The following BRCA2 variants were observed in gnomAD, a reference collection of about 807,000 sequenced individuals.
BRCA2 encodes BRCA2 DNA repair associated, also known as breast cancer type 2 susceptibility protein.
BRCA2 carries 203 observed loss-of-function variants against 276.7 expected under a neutral mutation model. The observed-to-expected ratio is 0.73, with a 90% CI of 0.65 to 0.82. The LOEUF is 0.82. Ranked by LOEUF, BRCA2 falls within the 40% of genes least tolerant of loss-of-function variation. BRCA2 has a pLI of 0.00. For missense variants in BRCA2, 3,920 were observed against 3,915.0 expected (o/e 1.00, Z -0.03); for synonymous variants, 1,289 against 1,338.4 (o/e 0.96, Z 0.81).
At chr13:32,392,947 A>G (rs1205553582) in intron 24 of BRCA2, among the ~76,000 whole-genome samples, 1 of 152,090 alleles carries the variant, frequency 6.6e-6, no homozygotes, top group Non-Finnish European at 1.5e-5. Flanking sequence ...GATAATGATC[A>G]TTATGTTTTT....
chr13:32,374,171 C>T (rs1311975927), intron 20 of BRCA2, among the ~76,000 whole-genome samples: 1 of 152,266 alleles, frequency 6.6e-6, no homozygotes, highest in Non-Finnish European at 1.5e-5. Flanking sequence ...GGGCCCAGCC[C>T]ACAAAACCAT....
chr13:32,317,448 G>GA (rs1188018922), intron 2 of BRCA2, among the ~76,000 whole-genome samples: 1 of 151,980 alleles, frequency 6.6e-6, no homozygotes, highest in Non-Finnish European at 1.5e-5. Flanking sequence ...ACCTCACGTT[G>GA]AAAAAAGGAA....
chr13:32,398,461 A>G lies in BRCA2; in HGVS notation c.9948A>G (p.Glu3316=). 1 of 1,614,212 alleles carries G rather than the reference A, an allele frequency of 6.2e-7. No individual in the cohort carries two copies. The highest frequency in any genetic ancestry group is 8.5e-7 in the Non-Finnish European group (1 of 1,180,036). Residue 3316 remains glutamate (E), a synonymous_variant, in exon 27 of 27, where the codon GAA becomes GAG. Transcript: ENST00000380152. ...TKYETPIKKK[E]LNSPQMTPFK... ...ACGAAACACCCATAAAGAAAAAAGA[A>G]CTGAATTCTCCTCAGATGACTCCAT...
At chr13:32,390,803 T>G (rs926253405) in intron 24 of BRCA2, among the ~76,000 whole-genome samples, 2 of 152,222 alleles carry the variant, frequency 1.3e-5, no homozygotes, top group Non-Finnish European at 2.9e-5. Context: ...TCTGTTTGGA[T>G]TTCTACTTCC....
rs876660828 is a variant in BRCA2 at position 32,332,770 on chromosome 13, C to A, written c.1292C>A (p.Thr431Lys). Residue 431 changes from threonine (T) to lysine (K), a missense_variant, in exon 10 of 27, where the codon ACA becomes AAA. Coordinates refer to ENST00000380152, the MANE Select transcript of BRCA2 (RefSeq NM_000059.4). ...ATTTCAGAAAAAGACCTATTAGACA[C>A]AGAGAACAAAAGAAAGAAAGATTTT... ...QNISEKDLLD[T>K]ENKRKKDFLT... is the part of the protein sequence containing the mutation. The A allele has an allele frequency of 6.2e-7, 1 of 1,608,556 alleles. No homozygotes were observed. The highest frequency in any genetic ancestry group is 8.5e-7 in the Non-Finnish European group (1 of 1,178,636).
At position 32,338,131 on chromosome 13, in the gene BRCA2, G is replaced by A. The variant is rs762488820; in HGVS notation, c.3776G>A (p.Ser1259Asn). The A allele has an allele frequency of 1.9e-6, 3 of 1,605,532 alleles. No homozygotes were observed. The Admixed American group carries it at 5.1e-5, about 27-fold the overall frequency. The change falls in exon 11 of 27, where the codon AGT (serine) becomes AAT (asparagine). Residue 1259 changes from serine to asparagine, a missense_variant. By Grantham distance (46) the Ser-to-Asn change is conservative. Coordinates refer to ENST00000380152, the MANE Select transcript of BRCA2 (RefSeq NM_000059.4). ...EETSAEVHPISLSSSKCHDSV... is the reference protein window; with the variant it reads ...EETSAEVHPINLSSSKCHDSV... ...ACTTCTGCAGAGGTACATCCAATAA[G>A]TTTATCTTCAAGTAAATGTCATGAT...
At chr13:32,362,479 T>C (rs1485122666) in intron 16 of BRCA2, 44 bp from the exon 17 acceptor site, 3 of 1,560,618 alleles carry the variant, frequency 1.9e-6, no homozygotes, top group African/African-American at 1.4e-5. Context: ...TTCAGTATCA[T>C]CCTATGTGGT....
intron 11 of BRCA2, 110 bp from the exon 12 acceptor site, chr13:32,344,448 T>C: frequency 1.5e-6 from 1 of 675,744 alleles, no homozygotes; most frequent in South Asian, 1.8e-5. Context: ...TATTTTTGTT[T>C]AACATTTAAA....
rs112966335 is a variant in BRCA2 at position 32,380,243 on chromosome 13, T to A, written c.9256+98T>A. ...TAGTTGGAGCTACCAGTTGGCAAAT[T>A]TGCTAGCTAACTAGTGATCTGAAAG... On this transcript the variant is annotated intron_variant, in intron 24 of 26. Coordinates refer to ENST00000380152, the MANE Select transcript of BRCA2 (RefSeq NM_000059.4). The A allele has an allele frequency of 3.9e-6, 5 of 1,267,094 alleles. No individual in the cohort carries two copies. In the East Asian group the frequency reaches 1.3e-4, roughly 32 times the overall value. 78.5% of individuals were successfully genotyped at this position (1,267,094 alleles called of 1,614,324 possible). A position where few individuals can be genotyped will look rare whatever the true frequency, so the allele number is the denominator to read the frequency against.
In BRCA2 at chr13:32,344,595, T is replaced by G. The variant is rs1381512588; in HGVS notation, c.6879T>G (p.Phe2293Leu). The change falls in exon 12 of 27, where the codon TTT becomes TTG. Residue 2293 changes from phenylalanine (F) to leucine (L), a missense_variant. Transcript: ENST00000380152. The part of the protein sequence containing the change: ...PSIKRNLLNE[F>L]DRIIENQEKS... Reference sequence around the variant, plus strand: ...TCAAAAGAAACTTATTAAATGAATTTGACAGGATAATAGAAAATCAAGAAA... The same window carrying G: ...TCAAAAGAAACTTATTAAATGAATTGGACAGGATAATAGAAAATCAAGAAA... 2 of 1,578,976 alleles carry G rather than the reference T, an allele frequency of 1.3e-6. No homozygotes were observed. Among genetic ancestry groups the G allele is most frequent in the Admixed American group, 3.3e-5 (2 of 59,704 alleles).
chr13:32,395,070 C>T, intron 25 of BRCA2, 137 bp downstream of exon 25: 6 of 1,224,328 alleles, frequency 4.9e-6, no homozygotes, highest in Non-Finnish European at 6.8e-6. Context: ...TATTAATTGC[C>T]CATGAACCTC....
intron 24 of BRCA2, chr13:32,385,149 CT>C: frequency 4.4e-6 from 1 of 225,410 alleles, no homozygotes; most frequent in Non-Finnish European, 9.4e-6. Context: ...CCAAGGCCTG[CT>C]TTGAAAAGGA....
intron 24 of BRCA2, among the ~76,000 whole-genome samples, chr13:32,383,471 C>T (rs149187973): frequency 1.3e-5 from 2 of 152,218 alleles, no homozygotes; most frequent in South Asian, 2.1e-4. Flanking sequence ...ACTGCCAGGG[C>T]CCACTGGAGG....
At position 32,389,236 on chromosome 13, in the gene BRCA2, C is replaced by T. The variant is rs184883665; in HGVS notation, c.9257-5453C>T. ...GTGACCATATACAGACCTTTTTCTT[C>T]CCTACTTTTAAATACTATTTTCTTG... is the stretch of plus-strand genomic sequence containing the variant. On this transcript the variant is annotated intron_variant, in intron 24 of 26. Transcript: ENST00000380152. 1.2e-4 allele frequency among the ~76,000 whole-genome samples: 18 copies of T among 152,194 alleles called. No individual in the cohort carries two copies. The East Asian group carries it at 3.3e-3, about 28-fold the overall frequency.
chr13:32,380,281 A>G, intron 24 of BRCA2, 136 bp downstream of exon 24: 1 of 820,158 alleles, frequency 1.2e-6, no homozygotes, highest in South Asian at 1.9e-5. Context: ...AGCCTCTTTG[A>G]ACCTCTGATT....
intron 7 of BRCA2, among the ~76,000 whole-genome samples, chr13:32,328,306 A>AT (rs1374741479): frequency 4.0e-5 from 6 of 149,732 alleles, no homozygotes; most frequent in Admixed American, 6.7e-5. Flanking sequence ...CAGTGGCACC[A>AT]TCTCGGCTCA....
chr13:32,323,344 G>A (rs2072320747), intron 3 of BRCA2, among the ~76,000 whole-genome samples: 2 of 151,902 alleles, frequency 1.3e-5, no homozygotes, highest in African/African-American at 4.8e-5. Context: ...TAGTAGAGAC[G>A]GGGTTTCACT....
At chr13:32,389,438 G>A (rs989698778) in intron 24 of BRCA2, among the ~76,000 whole-genome samples, 2 of 151,948 alleles carry the variant, frequency 1.3e-5, no homozygotes, top group African/African-American at 4.8e-5. Context: ...TCTCTTTTCT[G>A]TTTAAACAAT....
intron 21 of BRCA2, among the ~76,000 whole-genome samples, chr13:32,377,939 T>C (rs2072885068): frequency 6.6e-6 from 1 of 152,238 alleles, no homozygotes; most frequent in South Asian, 2.1e-4. Context: ...TAAGCAGTGC[T>C]ATACTGAGTA....
Sources: gnomAD v4.1 joint callset for allele counts (sites outside exome capture counted in the v4.1 genomes callset) on GRCh38, gnomAD v4.1.1 for gene constraint, MANE v1.5 for transcripts, NCBI Gene and HGNC (gene_info 2026-07-23, HGNC 2026-07-21) for gene names.